Variants in MGST1 observed in about 807,000 individuals in gnomAD.
MGST1 encodes the protein glutathione S-transferase 12.
MGST1 carries 5 observed loss-of-function variants against 8.9 expected under a neutral mutation model. The ratio of observed to expected loss-of-function variants is 0.56; its 90% CI spans 0.29 to 1.19. The LOEUF is 1.19. Ranked by LOEUF, MGST1 falls within the 50% of genes most tolerant of loss-of-function variation. MGST1 has a pLI of 0.08. For synonymous variants in MGST1, 54 were observed against 67.8 expected (o/e 0.80, Z 1.00); for missense variants, 182 against 187.4 (o/e 0.97, Z 0.17).
exon 2 of MGST1, chr12:16,437,912 G>A (rs1941002523): frequency 6.6e-6 from 1 of 151,808 alleles, no homozygotes; most frequent in African/African-American, 2.4e-5. Context: ...AGTATTCCTG[G>A]GTATCTTTCC....
At chr12:16,525,947 G>T (rs1366108401) in intron 4 of MGST1, among the ~76,000 whole-genome samples, 2 of 150,000 alleles carry the variant, frequency 1.3e-5, no homozygotes, top group Non-Finnish European at 3.0e-5. Flanking sequence ...GTCTTCTTTT[G>T]AGAAGTGTCT....
rs752760685 is a variant in MGST1 at position 16,497,639 on chromosome 12, G to A, written n.483-91889G>A. On this transcript the variant is annotated intron_variant and non_coding_transcript_variant, in intron 4 of 4. Coordinates refer to the MGST1 transcript ENST00000538857. This position sits in a 1 kb window ranked among gnomAD's most constrained non-coding sequence, Gnocchi z 4.4. ...TAGAAAAGGGAGTTTTAACTAGGTC[G>A]TGGGCCAAATACTTTCTTCAGAAAA... is the stretch of plus-strand genomic sequence containing the variant. 1.6e-4 allele frequency among the ~76,000 whole-genome samples: 25 copies of A among 152,176 alleles called. No homozygotes were observed. The highest frequency in any genetic ancestry group is 3.3e-4 in the Admixed American group (5 of 15,270).
chr12:16,371,299 A>G (rs1052266651), intron 3 of MGST1, among the ~76,000 whole-genome samples: 1 of 152,124 alleles, frequency 6.6e-6, no homozygotes, highest in Non-Finnish European at 1.5e-5. Flanking sequence ...ATGTTTATTC[A>G]TTTCTTCATA....
downstream of MGST1, among the ~76,000 whole-genome samples, chr12:16,379,119 C>T (rs1940424620): frequency 6.6e-6 from 1 of 152,070 alleles, no homozygotes; most frequent in African/African-American, 2.4e-5. Context: ...TTCCTCTTTT[C>T]CTAATTGAAT....
intron 1 of MGST1, among the ~76,000 whole-genome samples, chr12:16,419,963 G>A (rs1940820021): frequency 6.6e-6 from 1 of 152,166 alleles, no homozygotes; most frequent in Non-Finnish European, 1.5e-5. Flanking sequence ...GATGAAGGCT[G>A]ACTAGAGGGA....
At chr12:16,581,545 T>C (rs1011230975) in intron 4 of MGST1, among the ~76,000 whole-genome samples, 5 of 152,176 alleles carry the variant, frequency 3.3e-5, no homozygotes, top group Admixed American at 6.5e-5. Flanking sequence ...CACTACCCAT[T>C]ATAGAGTAAA....
intron 4 of MGST1, among the ~76,000 whole-genome samples, chr12:16,450,408 T>G (rs1374351067): frequency 6.6e-6 from 1 of 151,906 alleles, no homozygotes; most frequent in Non-Finnish European, 1.5e-5. Flanking sequence ...GAAATGGCTG[T>G]TCCTTGGGAA....
intron 4 of MGST1, among the ~76,000 whole-genome samples, chr12:16,578,560 G>A (rs1423884934): frequency 6.6e-6 from 1 of 152,124 alleles, no homozygotes; most frequent in Non-Finnish European, 1.5e-5. Context: ...GCTCATGCCT[G>A]TAATCCCAGC....
At chr12:16,355,204 CTTTTTTT>C (rs5796668) in intron 2 of MGST1, among the ~76,000 whole-genome samples, 18 of 125,188 alleles carry the variant, frequency 1.4e-4, no homozygotes, top group African/African-American at 5.2e-4. Flanking sequence ...TTCCTTGTTA[CTTTTTTT>C]TTTTTTTTTT....
intron 4 of MGST1, among the ~76,000 whole-genome samples, chr12:16,460,494 C>T (rs79293915): frequency 0.035 from 5,322 of 152,132 alleles, 260 homozygotes; most frequent in African/African-American, 0.11. Flanking sequence ...ATTTTGGTTC[C>T]CCTTCGAATG....
downstream of MGST1, among the ~76,000 whole-genome samples, chr12:16,441,329 A>G (rs947361388): frequency 4.0e-5 from 6 of 151,898 alleles, no homozygotes; most frequent in South Asian, 2.1e-4. Context: ...TGAATCTACA[A>G]TGACAGGTCC....
At position 16,513,693 on chromosome 12, in the gene MGST1, A is replaced by G; in HGVS notation, n.483-75835A>G. The G allele has an allele frequency of 1.8e-6, 1 of 543,650 alleles. No individual in the cohort carries two copies. Among genetic ancestry groups the G allele is most frequent in the Non-Finnish European group, 3.7e-6 (1 of 270,338 alleles). The allele number at this position is 543,650 out of a possible 1,614,324, so 33.7% of individuals were successfully genotyped here. On this transcript the variant is annotated intron_variant and non_coding_transcript_variant, in intron 4 of 4. Transcript: ENST00000538857. The surrounding 1 kb of genome is among the most constrained non-coding windows in gnomAD (Gnocchi z 4.2). ...ACCTCTCCATTGGGCGGCTGGCTGA[A>G]TTTTGCAAGGCATCTGCAGAAGTAG...
rs533326264 is a variant in MGST1 at position 16,478,306 on chromosome 12, G to A, written n.482+94702G>A. ...GCTTCCCAAAGTGTTGGGATTACAG[G>A]CGTGAGTCACCACGCCCGGCCCTTT... On this transcript the variant is annotated intron_variant and non_coding_transcript_variant, in intron 4 of 4. Transcript: ENST00000538857. Among the ~76,000 whole-genome samples, 46 of 152,256 alleles carry A rather than the reference G, an allele frequency of 3.0e-4. No individual in the cohort carries two copies. In the South Asian group the frequency reaches 8.7e-3, roughly 29 times the overall value.
downstream of MGST1, among the ~76,000 whole-genome samples, chr12:16,438,938 C>T (rs377465994): frequency 1.3e-5 from 2 of 151,794 alleles, no homozygotes; most frequent in African/African-American, 4.8e-5. Flanking sequence ...TTTTAACTAA[C>T]TACTGGGGGC....
At chr12:16,415,840 C>T (rs1189617319) in intron 1 of MGST1, among the ~76,000 whole-genome samples, 8 of 151,974 alleles carry the variant, frequency 5.3e-5, no homozygotes, top group Admixed American at 2.6e-4. Flanking sequence ...GCTACACAAA[C>T]GAGGGGAAAT....
intron 1 of MGST1, among the ~76,000 whole-genome samples, chr12:16,353,680 C>A (rs9332899): frequency 0.024 from 3,626 of 150,590 alleles, 144 homozygotes; most frequent in African/African-American, 0.084. Context: ...TATACTGCAC[C>A]CTTTTTTTTC....
At chr12:16,397,442 A>G (rs1227281109) in intron 1 of MGST1, among the ~76,000 whole-genome samples, 1 of 152,200 alleles carries the variant, frequency 6.6e-6, no homozygotes, top group Non-Finnish European at 1.5e-5. Flanking sequence ...TAATTAAACT[A>G]AAGAACTTCT....
chr12:16,352,164 T>A (rs1474469605), intron 1 of MGST1, among the ~76,000 whole-genome samples: 1 of 152,308 alleles, frequency 6.6e-6, no homozygotes, highest in East Asian at 1.9e-4. Flanking sequence ...TGTAATAGAT[T>A]AACAAAGGTG....
intron 4 of MGST1, among the ~76,000 whole-genome samples, chr12:16,583,488 A>T (rs913373768): frequency 3.9e-5 from 6 of 152,194 alleles, no homozygotes; most frequent in African/African-American, 1.4e-4. Flanking sequence ...TAAAATGAAG[A>T]CACACAGAAT....
Sources: allele counts gnomAD v4.1 joint callset (sites outside exome capture counted in the v4.1 genomes callset), GRCh38; gene constraint gnomAD v4.1.1; non-coding constraint Gnocchi (gnomAD v3.1); transcripts MANE v1.5; gene names NCBI Gene and HGNC (gene_info 2026-07-23, HGNC 2026-07-21).